CHSY3: variants seen among roughly 807,000 people sequenced by gnomAD.
The protein encoded by CHSY3 is N-acetylgalactosaminyl-proteoglycan 3-beta-glucuronosyltransferase 3.
A neutral mutation model predicts 67.2 loss-of-function variants in CHSY3; 35 were observed. That is an observed-to-expected ratio of 0.52 (90% CI 0.40 to 0.69). The LOEUF is 0.69. CHSY3 is among the 30% of genes least tolerant of loss of function. The pLI, the probability that CHSY3 is intolerant of heterozygous loss-of-function variation, is 0.00. For missense variants in CHSY3, 1,069 were observed against 1,138.5 expected, an observed-to-expected ratio of 0.94 and a Z score of 0.88; for synonymous variants, 474 against 434.7, an observed-to-expected ratio of 1.09 and a Z score of -1.12.
intron 2 of CHSY3, among the ~76,000 whole-genome samples, chr5:129,973,999 G>A (rs113995637): frequency 8.2e-4 from 124 of 152,128 alleles, no homozygotes; most frequent in African/African-American, 2.8e-3. Flanking sequence ...CTGTTTGTCA[G>A]TCTCTTGTCT....
chr5:130,168,646 G>A (rs920246455), intron 2 of CHSY3, among the ~76,000 whole-genome samples: 1 of 151,958 alleles, frequency 6.6e-6, no homozygotes, highest in Non-Finnish European at 1.5e-5. Flanking sequence ...TAAATATTTT[G>A]CTCTCTGTTT....
chr5:129,949,529 C>G (rs535398574), intron 2 of CHSY3, among the ~76,000 whole-genome samples: 5 of 152,242 alleles, frequency 3.3e-5, no homozygotes, highest in Admixed American at 3.3e-4. Context: ...TTCTACCAAA[C>G]ATTTAATGGA....
chr5:130,078,202 A>G (rs1189537121), intron 2 of CHSY3, among the ~76,000 whole-genome samples: 3 of 152,066 alleles, frequency 2.0e-5, no homozygotes, highest in Non-Finnish European at 2.9e-5. Flanking sequence ...CATCCGTACA[A>G]CTTTACCTGG....
chr5:130,103,508 G>A (rs112456877), intron 2 of CHSY3, among the ~76,000 whole-genome samples: 4 of 151,706 alleles, frequency 2.6e-5, no homozygotes, highest in African/African-American at 9.7e-5. Context: ...TTTATGTTTT[G>A]TTCCATTCAA....
At chr5:130,061,403 CT>C (rs1163377369) in intron 2 of CHSY3, among the ~76,000 whole-genome samples, 1 of 152,040 alleles carries the variant, frequency 6.6e-6, no homozygotes, top group African/African-American at 2.4e-5. Flanking sequence ...CAAAAATTAA[CT>C]CAATATGAAT....
intron 2 of CHSY3, among the ~76,000 whole-genome samples, chr5:130,135,974 G>T (rs1768647500): frequency 6.6e-6 from 1 of 152,012 alleles, no homozygotes; most frequent in Admixed American, 6.6e-5. Context: ...TCATTTCCTA[G>T]GCATTATGCC....
At chr5:130,053,672 A>G (rs1366414139) in intron 2 of CHSY3, among the ~76,000 whole-genome samples, 1 of 152,136 alleles carries the variant, frequency 6.6e-6, no homozygotes, top group African/African-American at 2.4e-5. Flanking sequence ...TCTTTATAGC[A>G]GGGGAAGATA....
chr5:130,086,252 T>C (rs549114084), intron 2 of CHSY3, among the ~76,000 whole-genome samples: 1 of 152,210 alleles, frequency 6.6e-6, no homozygotes, highest in South Asian at 2.1e-4. Context: ...TCTAAGTCTC[T>C]TTGTAGGTCA....
chr5:130,001,667 A>C, intron 2 of CHSY3: 4 of 747,460 alleles, frequency 5.4e-6, no homozygotes, highest in Non-Finnish European at 6.5e-6. Flanking sequence ...AGTAATTTAT[A>C]AGCCTGCGTC....
chr5:130,151,159 T>G (rs1769222266), intron 2 of CHSY3, among the ~76,000 whole-genome samples: 1 of 152,222 alleles, frequency 6.6e-6, no homozygotes, highest in South Asian at 2.1e-4. Flanking sequence ...ATTTGGAATG[T>G]GCATGCTGAT....
At chr5:130,076,631 T>C (rs1284181065) in intron 2 of CHSY3, among the ~76,000 whole-genome samples, 6 of 151,958 alleles carry the variant, frequency 3.9e-5, no homozygotes. Context: ...AAAAAAAATA[T>C]GTTAAGATAC....
At chr5:130,041,673 T>G (rs1002063012) in intron 2 of CHSY3, among the ~76,000 whole-genome samples, 2 of 152,070 alleles carry the variant, frequency 1.3e-5, no homozygotes, top group East Asian at 3.9e-4. Context: ...TAAAATACTA[T>G]AAAATGTTCA....
chr5:130,041,062 C>G (rs1764993458), intron 2 of CHSY3, among the ~76,000 whole-genome samples: 1 of 152,106 alleles, frequency 6.6e-6, no homozygotes, highest in Non-Finnish European at 1.5e-5. Flanking sequence ...TGTCGATGCC[C>G]TTTAGCAAGC....
Position 130,185,141 on chromosome 5 carries a change from T to A in CHSY3, c.1999T>A (p.Ser667Thr). The change falls in exon 3 of 3, where the codon TCC becomes ACC. Residue 667 changes from serine to threonine, a missense_variant. Ser to Thr is a moderately conservative substitution (Grantham distance 58). Around this residue, in one of 5 missense-constraint regions of CHSY3, gnomAD observed 401 missense variants for 395.2 expected, o/e 1.01. Transcript: ENST00000305031. ...ILFSRDSGQD[S>T]SKHIELIKGY... ...TTTCAGTAGGGATTCTGGCCAAGAC[T>A]CCAGCAAGCATATTGAGCTGATAAA... 1 of 1,602,956 alleles carries A rather than the reference T, an allele frequency of 6.2e-7. No homozygotes were observed. Among genetic ancestry groups the A allele is most frequent in the Non-Finnish European group, 8.5e-7 (1 of 1,169,902 alleles).
chr5:130,152,482 T>G (rs1196938887), intron 2 of CHSY3, among the ~76,000 whole-genome samples: 8 of 152,100 alleles, frequency 5.3e-5, no homozygotes, highest in Non-Finnish European at 1.2e-4. Flanking sequence ...TATGTCGACT[T>G]TTTTTCCTTC....
intron 2 of CHSY3, among the ~76,000 whole-genome samples, chr5:130,046,831 T>G (rs994102467): frequency 9.9e-5 from 15 of 152,228 alleles, no homozygotes; most frequent in African/African-American, 3.6e-4. Context: ...TTGTGATCTC[T>G]TAAATGGCAG....
chr5:130,163,343 CAT>C (rs1769616027), intron 2 of CHSY3, among the ~76,000 whole-genome samples: 1 of 151,974 alleles, frequency 6.6e-6, no homozygotes, highest in Non-Finnish European at 1.5e-5. Context: ...AATTAATAGA[CAT>C]ATATATAGTA....
At chr5:130,061,022 T>C (rs748544870) in intron 2 of CHSY3, among the ~76,000 whole-genome samples, 1 of 152,088 alleles carries the variant, frequency 6.6e-6, no homozygotes, top group Non-Finnish European at 1.5e-5. Flanking sequence ...GAAATCCCTC[T>C]AAAATTTCAA....
At chr5:130,134,514 T>A (rs1768596310) in intron 2 of CHSY3, among the ~76,000 whole-genome samples, 1 of 152,204 alleles carries the variant, frequency 6.6e-6, no homozygotes, top group African/African-American at 2.4e-5. Context: ...CATATGCATA[T>A]GTTGAACACA....
Sources: allele counts gnomAD v4.1 joint callset (sites outside exome capture counted in the v4.1 genomes callset), GRCh38; gene constraint gnomAD v4.1.1; regional missense constraint gnomAD v4.1.1; transcripts MANE v1.5; gene names NCBI Gene and HGNC (gene_info 2026-07-23, HGNC 2026-07-21).